PHETA1: variants seen among roughly 807,000 people sequenced by gnomAD.
The protein encoded by PHETA1 is sesquipedalian-1.
For missense variants in PHETA1, 348 were observed against 373.5 expected (o/e 0.93, Z 0.56); for synonymous variants, 155 against 168.9 (o/e 0.92, Z 0.64).
At chr12:111,365,117 C>G (rs989313097) in intron 2 of PHETA1, among the ~76,000 whole-genome samples, 37 of 152,304 alleles carry the variant, frequency 2.4e-4, no homozygotes, top group Admixed American at 2.1e-3. Context: ...AAGGACTTGT[C>G]GGGAGGTGGC....
intron 2 of PHETA1, among the ~76,000 whole-genome samples, chr12:111,364,208 G>A (rs1049605132): frequency 1.3e-5 from 2 of 152,008 alleles, no homozygotes; most frequent in Non-Finnish European, 2.9e-5. Context: ...TAAGCCAGGC[G>A]TGGTGGCGGG....
At chr12:111,365,434 T>A in intron 2 of PHETA1, 4 of 453,740 alleles carry the variant, frequency 8.8e-6, no homozygotes, top group South Asian at 6.3e-5. Flanking sequence ...CCACCTCCTG[T>A]CAGCCACATA....
Position 111,361,581 on chromosome 12 carries a change from C to A in PHETA1, c.*1097G>T, listed in dbSNP as rs148974823. ...GGCACTGTGGTGAGAAGAAAGGGGA[C>A]CGGCGGTCAGCCCCGAAGCCAAGCA... is the stretch of plus-strand genomic sequence containing the variant. On this transcript the variant is annotated 3_prime_UTR_variant, in exon 3 of 3. Transcript: ENST00000683047. The A allele has an allele frequency of 4.9e-4, 131 of 268,032 alleles. 1 individual carries two copies. Among genetic ancestry groups the A allele is most frequent in the African/African-American group, 2.7e-3 (123 of 45,236 alleles). 16.6% of individuals were successfully genotyped at this position (268,032 alleles called of 1,614,324 possible).
In PHETA1 at chr12:111,362,583, T is replaced by C. The variant is rs533871197; in HGVS notation, c.*95A>G. 440 of 1,540,438 alleles carry C rather than the reference T, an allele frequency of 2.9e-4. 2 individuals carry two copies. In the East Asian group the frequency reaches 9.7e-3, roughly 34 times the overall value. ...CCTGGGGGCCAGCCTTGCCCATGAT[T>C]TCCCTCAGGATCTGCTCCCCCAGTC... On this transcript the variant is annotated 3_prime_UTR_variant, in exon 3 of 3. Coordinates refer to ENST00000683047, the MANE Select transcript of PHETA1 (RefSeq NM_144671.6).
At position 111,362,789 on chromosome 12, in the gene PHETA1, C is replaced by T. The variant is rs1166371090; in HGVS notation, c.639G>A (p.Ser213=). 4 of 1,539,230 alleles carry T rather than the reference C, an allele frequency of 2.6e-6. No homozygotes were observed. Among genetic ancestry groups the T allele is most frequent in the Non-Finnish European group, 3.5e-6 (4 of 1,145,102 alleles). Residue 213 remains serine, a synonymous_variant, in exon 3 of 3, where the codon TCG becomes TCA. Transcript: ENST00000683047. ...CCATGTCCAGGGGCCCGTGGGGTGCCGAGGCCCGGCGGCGAGGCGGTGGTG... is the reference window on the plus strand; with the variant it reads ...CCATGTCCAGGGGCCCGTGGGGTGCTGAGGCCCGGCGGCGAGGCGGTGGTG... ...PPPPPPRRRA[S]APHGPLDMAP...
Position 111,362,962 on chromosome 12 carries a change from G to T in PHETA1, c.466C>A (p.Leu156Met). The T allele has an allele frequency of 6.7e-7, 1 of 1,483,046 alleles. No homozygotes were observed. Among genetic ancestry groups the T allele is most frequent in the East Asian group, 2.4e-5 (1 of 41,038 alleles). The allele number at this position is 1,483,046 out of a possible 1,614,324, so 91.9% of individuals were successfully genotyped here. A position where few individuals can be genotyped will look rare whatever the true frequency, so the allele number is the denominator to read the frequency against. Reference sequence around the variant, plus strand: ...GAAGGCAGGGATGGGACTGGGGCCAGGGCAGAGGGCAGGGACGGGGGCAAG... The same window carrying T: ...GAAGGCAGGGATGGGACTGGGGCCATGGCAGAGGGCAGGGACGGGGGCAAG... ...LPLPPSLPSA[L>M]APVPSLPSAP... Residue 156 changes from leucine (L) to methionine (M), a missense_variant, in exon 3 of 3, where the codon CTG becomes ATG. Transcript: ENST00000683047.
Position 111,363,589 on chromosome 12 carries a change from G to A in PHETA1, c.-36-126C>T. 1.3e-6 allele frequency: 2 copies of A among 1,530,110 alleles called. No individual in the cohort carries two copies. The highest frequency in any genetic ancestry group is 1.7e-4 in the Middle Eastern group (1 of 5,978). The allele number at this position is 1,530,110 out of a possible 1,614,324, so 94.8% of individuals were successfully genotyped here. A position where few individuals can be genotyped will look rare whatever the true frequency, so the allele number is the denominator to read the frequency against. On this transcript the variant is annotated intron_variant, in intron 2 of 2. Coordinates refer to ENST00000683047, the MANE Select transcript of PHETA1 (RefSeq NM_144671.6). This position sits in a 1 kb window ranked among gnomAD's most constrained non-coding sequence, Gnocchi z 7.4. ...ATGAGGAAACTGACGCTCATAGGGT[G>A]GAAGCAGCTGGCCTATGCGCCCACA...
chr12:111,365,226 T>C (rs1868958555), intron 2 of PHETA1, among the ~76,000 whole-genome samples: 1 of 152,216 alleles, frequency 6.6e-6, no homozygotes, highest in Admixed American at 6.5e-5. Flanking sequence ...CTGCATAGGA[T>C]GGTAGCTACA....
intron 2 of PHETA1, among the ~76,000 whole-genome samples, chr12:111,365,223 G>T (rs1166821194): frequency 6.6e-6 from 1 of 152,226 alleles, no homozygotes; most frequent in Non-Finnish European, 1.5e-5. Context: ...AGCCTGCATA[G>T]GATGGTAGCT....
chr12:111,365,506 A>G, intron 2 of PHETA1: 1 of 456,128 alleles, frequency 2.2e-6, no homozygotes. Context: ...ACTGAGATCA[A>G]CCAACCCAAA....
Position 111,363,218 on chromosome 12 carries a change from C to T in PHETA1, c.210G>A (p.Leu70=), listed in dbSNP as rs1868797846. 6.2e-7 allele frequency: 1 copy of T among 1,613,218 alleles called. No homozygotes were observed. The highest frequency in any genetic ancestry group is 8.5e-7 in the Non-Finnish European group (1 of 1,179,914). ...VIILEGCTVE[L]VEAAEEFAFA... is the part of the protein sequence containing the mutation. ...AGGCGAACTCCTCGGCGGCCTCCAC[C>T]AGCTCCACAGTGCAGCCCTCCAGGA... The change falls in exon 3 of 3, where the codon CTG becomes CTA. Residue 70 remains leucine (L), a synonymous_variant. Transcript: ENST00000683047. This position sits in a 1 kb window ranked among gnomAD's most constrained non-coding sequence, Gnocchi z 7.4.
chr12:111,362,612 C>G lies in PHETA1; in HGVS notation c.*66G>C, dbSNP rs1565946019. 1 of 1,545,760 alleles carries G rather than the reference C, an allele frequency of 6.5e-7. No homozygotes were observed. The highest frequency in any genetic ancestry group is 2.0e-5 in the Admixed American group (1 of 51,002). The stretch of plus-strand genomic sequence containing the variant: ...CTCAGGATCTGCTCCCCCAGTCTCT[C>G]CAGGACCCGGCCTGTCCCAGAGGGC... On this transcript the variant is annotated 3_prime_UTR_variant, in exon 3 of 3. Transcript: ENST00000683047.
At position 111,362,604 on chromosome 12, in the gene PHETA1, C is replaced by G. The variant is rs574531685; in HGVS notation, c.*74G>C. 44 of 1,544,458 alleles carry G rather than the reference C, an allele frequency of 2.8e-5. No homozygotes were observed. The East Asian group carries it at 6.6e-4, about 23-fold the overall frequency. On this transcript the variant is annotated 3_prime_UTR_variant, in exon 3 of 3. Coordinates refer to ENST00000683047, the MANE Select transcript of PHETA1 (RefSeq NM_144671.6). ...TGATTTCCCTCAGGATCTGCTCCCC[C>G]AGTCTCTCCAGGACCCGGCCTGTCC...
rs764764396 is a variant in PHETA1, at chr12:111,363,607, C to T, written c.-36-144G>A. 7.3e-5 allele frequency: 112 copies of T among 1,532,678 alleles called. No individual in the cohort carries two copies. Among genetic ancestry groups the T allele is most frequent in the Non-Finnish European group, 9.3e-5 (106 of 1,144,808 alleles). The allele number at this position is 1,532,678 out of a possible 1,614,324, so 94.9% of individuals were successfully genotyped here. Reference sequence around the variant, plus strand: ...ATAGGGTGGAAGCAGCTGGCCTATGCGCCCACAACTCCTAAGAAGCAGAGA... The same window carrying T: ...ATAGGGTGGAAGCAGCTGGCCTATGTGCCCACAACTCCTAAGAAGCAGAGA... On this transcript the variant is annotated intron_variant, in intron 2 of 2. Transcript: ENST00000683047. The surrounding 1 kb of genome is among the most constrained non-coding windows in gnomAD (Gnocchi z 7.4).
intron 1 of PHETA1, among the ~76,000 whole-genome samples, chr12:111,366,770 C>T (rs1274839957): frequency 6.6e-6 from 1 of 152,060 alleles, no homozygotes; most frequent in Non-Finnish European, 1.5e-5. Flanking sequence ...CTACTTCTCT[C>T]AGCATAAAAT....
At position 111,361,652 on chromosome 12, in the gene PHETA1, G is replaced by A. The variant is rs751922268; in HGVS notation, c.*1026C>T. On this transcript the variant is annotated 3_prime_UTR_variant, in exon 3 of 3. Transcript: ENST00000683047. ...GTATGGGGGTGGGGGCTGAGCTCAGGAGGGGACATGTTAGAGGGGGCTGCC... is the reference window on the plus strand; with the variant it reads ...GTATGGGGGTGGGGGCTGAGCTCAGAAGGGGACATGTTAGAGGGGGCTGCC... 1.1e-3 allele frequency: 381 copies of A among 341,820 alleles called. 2 individuals carry two copies. Among genetic ancestry groups the A allele is most frequent in the Middle Eastern group, 5.5e-3 (5 of 906 alleles). The allele number at this position is 341,820 out of a possible 1,614,324, so 21.2% of individuals were successfully genotyped here.
In PHETA1 at chr12:111,368,134, C is replaced by T. The variant is rs1869140533; in HGVS notation, c.-182+778G>A. Among the ~76,000 whole-genome samples, 1 of 152,184 alleles carries T rather than the reference C, an allele frequency of 6.6e-6. No homozygotes were observed. The highest frequency in any genetic ancestry group is 6.5e-5 in the Admixed American group (1 of 15,274). ...CTCAGCCTCATCTGCAAAATGGTGA[C>T]GTTAACTTCCATCCCTCTAAGGGCT... On this transcript the variant is annotated intron_variant, in intron 1 of 2. Coordinates refer to ENST00000683047, the MANE Select transcript of PHETA1 (RefSeq NM_144671.6). This position sits in a 1 kb window ranked among gnomAD's most constrained non-coding sequence, Gnocchi z 5.0.
At position 111,363,616 on chromosome 12, in the gene PHETA1, C is replaced by T. The variant is rs1868844138; in HGVS notation, c.-36-153G>A. On this transcript the variant is annotated intron_variant, in intron 2 of 2. Transcript: ENST00000683047. This position sits in a 1 kb window ranked among gnomAD's most constrained non-coding sequence, Gnocchi z 7.4. Reference sequence around the variant, plus strand: ...AAGCAGCTGGCCTATGCGCCCACAACTCCTAAGAAGCAGAGACAGGACTGG... The same window carrying T: ...AAGCAGCTGGCCTATGCGCCCACAATTCCTAAGAAGCAGAGACAGGACTGG... The T allele has an allele frequency of 2.0e-6, 3 of 1,534,512 alleles. No homozygotes were observed. Among genetic ancestry groups the T allele is most frequent in the Admixed American group, 2.0e-5 (1 of 50,974 alleles).
rs576345292 is a variant in PHETA1, at chr12:111,368,135, G to A, written c.-182+777C>T. Among the ~76,000 whole-genome samples, 1 of 152,314 alleles carries A rather than the reference G, an allele frequency of 6.6e-6. No individual in the cohort carries two copies. Among genetic ancestry groups the A allele is most frequent in the South Asian group, 2.1e-4 (1 of 4,830 alleles). On this transcript the variant is annotated intron_variant, in intron 1 of 2. Transcript: ENST00000683047. This position sits in a 1 kb window ranked among gnomAD's most constrained non-coding sequence, Gnocchi z 5.0. ...TCAGCCTCATCTGCAAAATGGTGACGTTAACTTCCATCCCTCTAAGGGCTG... is the reference window on the plus strand; with the variant it reads ...TCAGCCTCATCTGCAAAATGGTGACATTAACTTCCATCCCTCTAAGGGCTG...
Sources: gnomAD v4.1 joint callset for allele counts (sites outside exome capture counted in the v4.1 genomes callset) on GRCh38, gnomAD v4.1.1 for gene constraint, Gnocchi (gnomAD v3.1) non-coding constraint, MANE v1.5 for transcripts, NCBI Gene and HGNC (gene_info 2026-07-23, HGNC 2026-07-21) for gene names.